NRG3: variants seen among roughly 807,000 people sequenced by gnomAD.
NRG3 encodes the protein pro-neuregulin-3, membrane-bound isoform.
In NRG3, 31 loss-of-function variants were observed where a neutral mutation model predicts 66.9. That is an observed-to-expected ratio of 0.46 (90% CI 0.35 to 0.63). NRG3 has a LOEUF of 0.63. Among genes scored for constraint, NRG3 ranks in the 20% least tolerant of loss-of-function variants. The pLI, the probability that NRG3 is intolerant of heterozygous loss-of-function variation, is 0.00. For synonymous variants in NRG3, 393 were observed against 359.4 expected, an observed-to-expected ratio of 1.09 and a Z score of -1.06; for missense variants, 910 against 878.9, an observed-to-expected ratio of 1.04 and a Z score of -0.45.
chr10:82,788,946 T>C (rs2060477728), intron 3 of NRG3, among the ~76,000 whole-genome samples: 1 of 152,166 alleles, frequency 6.6e-6, no homozygotes, highest in African/African-American at 2.4e-5. Flanking sequence ...TTTATAAACA[T>C]TTGGGTCATT....
rs370376338 is a variant in NRG3 at position 82,046,624 on chromosome 10, G to A, written c.823+170461G>A. ...CACTATGTTGAATAGGAGTGGTGAG[G>A]GAGGGCATCCCTGTCTTGTGCCAGT... On this transcript the variant is annotated intron_variant, in intron 1 of 8. Coordinates refer to ENST00000372141, the MANE Select transcript of NRG3 (RefSeq NM_001010848.4). 8.1e-5 allele frequency among the ~76,000 whole-genome samples: 3 copies of A among 37,252 alleles called. 1 individual carries two copies. The highest frequency in any genetic ancestry group is 1.6e-3 in the East Asian group (2 of 1,230). 24.4% of individuals were successfully genotyped at this position (37,252 alleles called of 152,430 possible).
intron 1 of NRG3, among the ~76,000 whole-genome samples, chr10:82,234,694 G>C (rs955930923): frequency 2.0e-5 from 3 of 152,188 alleles, no homozygotes; most frequent in African/African-American, 7.2e-5. Context: ...CTACAGCAGG[G>C]ACAGCATCGT....
chr10:82,625,123 A>G (rs561482501), intron 2 of NRG3, among the ~76,000 whole-genome samples: 234 of 151,886 alleles, frequency 1.5e-3, no homozygotes, highest in Middle Eastern at 3.4e-3. Context: ...GGTCTCCTCT[A>G]ATCTTCCAGC....
At chr10:82,354,293 G>A (rs2135544106) in intron 1 of NRG3, among the ~76,000 whole-genome samples, 1 of 152,006 alleles carries the variant, frequency 6.6e-6, no homozygotes, top group South Asian at 2.1e-4. Context: ...CTCCCACCTT[G>A]GCTCCTGTAG....
chr10:82,931,283 TA>T (rs1312375613), intron 4 of NRG3, among the ~76,000 whole-genome samples: 1 of 152,208 alleles, frequency 6.6e-6, no homozygotes, highest in African/African-American at 2.4e-5. Context: ...ATTGATAAAA[TA>T]AATTTATTTT....
chr10:82,568,723 T>G (rs1437660419), intron 2 of NRG3, among the ~76,000 whole-genome samples: 1 of 151,830 alleles, frequency 6.6e-6, no homozygotes, highest in Non-Finnish European at 1.5e-5. Flanking sequence ...ATTTCTCAGT[T>G]CAAATTACGT....
At chr10:82,546,681 A>G (rs1008836398) in intron 2 of NRG3, among the ~76,000 whole-genome samples, 1 of 152,204 alleles carries the variant, frequency 6.6e-6, no homozygotes. Flanking sequence ...TTATAAAATT[A>G]GTCTCCACCC....
At chr10:82,875,266 C>G (rs1451244122) in intron 4 of NRG3, among the ~76,000 whole-genome samples, 1 of 152,242 alleles carries the variant, frequency 6.6e-6, no homozygotes, top group Non-Finnish European at 1.5e-5. Flanking sequence ...CATCTCTCCA[C>G]TGGCTCCTAA....
At chr10:82,163,025 G>A (rs1590364032) in intron 1 of NRG3, among the ~76,000 whole-genome samples, 1 of 152,116 alleles carries the variant, frequency 6.6e-6, no homozygotes, top group East Asian at 1.9e-4. Flanking sequence ...TTCTTACTGT[G>A]CTCTTGGCTT....
chr10:81,982,716 C>A (rs919217960), intron 1 of NRG3, among the ~76,000 whole-genome samples: 5 of 152,110 alleles, frequency 3.3e-5, no homozygotes, highest in African/African-American at 1.2e-4. Flanking sequence ...ATTTCTTCTT[C>A]TTACAAGAAC....
At chr10:81,929,462 T>C (rs1459443891) in intron 1 of NRG3, among the ~76,000 whole-genome samples, 1 of 152,170 alleles carries the variant, frequency 6.6e-6, no homozygotes, top group Admixed American at 6.5e-5. Context: ...CATTTCCAAA[T>C]ACCCAGCGGC....
chr10:82,906,479 C>A (rs1844747439), intron 4 of NRG3, among the ~76,000 whole-genome samples: 1 of 151,878 alleles, frequency 6.6e-6, no homozygotes, highest in Admixed American at 6.6e-5. Flanking sequence ...TCATCTTTAT[C>A]CAAAAAATAT....
chr10:82,732,469 A>G (rs1433921394), intron 2 of NRG3, among the ~76,000 whole-genome samples: 2 of 152,154 alleles, frequency 1.3e-5, no homozygotes, highest in African/African-American at 4.8e-5. Flanking sequence ...AGAAGGTACC[A>G]CAGATAAAGC....
At chr10:82,582,629 A>T (rs2133227224) in intron 2 of NRG3, among the ~76,000 whole-genome samples, 1 of 151,966 alleles carries the variant, frequency 6.6e-6, no homozygotes, top group East Asian at 1.9e-4. Flanking sequence ...GGACCAAAAA[A>T]GAATGCAGAA....
intron 6 of NRG3, among the ~76,000 whole-genome samples, chr10:82,973,252 G>A (rs1851933498): frequency 6.6e-6 from 1 of 152,164 alleles, no homozygotes; most frequent in Non-Finnish European, 1.5e-5. Flanking sequence ...GAACTATAAG[G>A]AGTGAAATGC....
chr10:82,571,422 T>C (rs1206592320), intron 2 of NRG3, among the ~76,000 whole-genome samples: 1 of 151,738 alleles, frequency 6.6e-6, no homozygotes, highest in East Asian at 1.9e-4. Context: ...TATGGAGCAG[T>C]ATTTATTATT....
rs144975447 is a variant in NRG3 at position 82,394,639 on chromosome 10, A to G, written c.953+35771A>G. 9.8e-5 allele frequency among the ~76,000 whole-genome samples: 15 copies of G among 152,310 alleles called. No individual in the cohort carries two copies. The East Asian group carries it at 2.9e-3, about 29-fold the overall frequency. On this transcript the variant is annotated intron_variant, in intron 2 of 8. Transcript: ENST00000372141. ...TCTTCTATTTTTATTTAATTTTCAT[A>G]TCAGCAGTATTTTATTAAAACCATT...
intron 4 of NRG3, among the ~76,000 whole-genome samples, chr10:82,928,001 ATC>A (rs1847180748): frequency 6.6e-6 from 1 of 152,166 alleles, no homozygotes; most frequent in South Asian, 2.1e-4. Flanking sequence ...CCTCTCCAGC[ATC>A]TGTTGTTTCC....
intron 3 of NRG3, among the ~76,000 whole-genome samples, chr10:82,755,838 A>G (rs1298376708): frequency 1.3e-5 from 2 of 152,128 alleles, no homozygotes; most frequent in Non-Finnish European, 2.9e-5. Context: ...CATTTTTCTA[A>G]TCTTCCTGTT....
Sources: gnomAD v4.1 joint callset for allele counts (sites outside exome capture counted in the v4.1 genomes callset) on GRCh38, gnomAD v4.1.1 for gene constraint, MANE v1.5 for transcripts, NCBI Gene and HGNC (gene_info 2026-07-23, HGNC 2026-07-21) for gene names.